Variants in EFHD1 observed in about 807,000 individuals in gnomAD.
EFHD1 encodes EF-hand domain family member D1.
EFHD1 carries 10 observed loss-of-function variants against 17.2 expected under a neutral mutation model. The ratio of observed to expected loss-of-function variants is 0.58; its 90% confidence interval spans 0.36 to 0.99. The LOEUF is 0.99. EFHD1 is among the 50% of genes least tolerant of loss of function. EFHD1 has a pLI of 0.01. For missense variants in EFHD1, 310 were observed against 327.5 expected, an observed-to-expected ratio of 0.95 and a Z score of 0.41; for synonymous variants, 153 against 142.0, an observed-to-expected ratio of 1.08 and a Z score of -0.55.
At chr2:232,612,639 A>T (rs76043095) in intron 1 of EFHD1, among the ~76,000 whole-genome samples, 10,704 of 152,152 alleles carry the variant, frequency 0.07, 398 homozygotes, top group South Asian at 0.11. Flanking sequence ...ACTTGTGAGG[A>T]TATGGAGCAA....
chr2:232,609,632 C>T (rs369577108), intron 1 of EFHD1, among the ~76,000 whole-genome samples: 10 of 152,224 alleles, frequency 6.6e-5, no homozygotes, highest in South Asian at 4.2e-4. Flanking sequence ...GAGGAAGTCT[C>T]GGCCTCCTCA....
intron 1 of EFHD1, among the ~76,000 whole-genome samples, chr2:232,634,723 C>T (rs1694285441): frequency 6.6e-6 from 1 of 152,248 alleles, no homozygotes; most frequent in Non-Finnish European, 1.5e-5. Flanking sequence ...TAGAGACCCA[C>T]TAGTCCACCT....
chr2:232,606,071 G>C, exon 1 of EFHD1: 1 of 1,450,812 alleles, frequency 6.9e-7, no homozygotes, highest in Non-Finnish European at 9.5e-7. Flanking sequence ...AGTGCAGGCG[G>C]ATACCCCGGC....
intron 1 of EFHD1, among the ~76,000 whole-genome samples, chr2:232,620,366 C>T (rs987394384): frequency 6.2e-5 from 9 of 144,954 alleles, no homozygotes; most frequent in Admixed American, 2.1e-4. Context: ...CCGGCCTGGG[C>T]GACAAAACGA....
At chr2:232,613,970 GTGAATACA>G (rs1693868138) in intron 1 of EFHD1, among the ~76,000 whole-genome samples, 1 of 146,214 alleles carries the variant, frequency 6.8e-6, no homozygotes, top group African/African-American at 2.5e-5. Context: ...ACATACACAC[GTGAATACA>G]CACACACATA....
chr2:232,615,637 A>T (rs934181310), intron 1 of EFHD1, among the ~76,000 whole-genome samples: 4 of 151,782 alleles, frequency 2.6e-5, no homozygotes, highest in African/African-American at 4.8e-5. Context: ...AACACTTTTT[A>T]AAAAATAGTG....
At chr2:232,681,495 G>T in intron 3 of EFHD1, 90 bp from the exon 4 acceptor site, 1 of 1,533,100 alleles carries the variant, frequency 6.5e-7, no homozygotes, top group Non-Finnish European at 8.8e-7. Context: ...CTCTAGGTCT[G>T]CTGAATGGGC....
At chr2:232,638,295 A>C (rs1694356445) in intron 1 of EFHD1, 1 of 468,684 alleles carries the variant, frequency 2.1e-6, no homozygotes, top group Non-Finnish European at 4.4e-6. Flanking sequence ...GCAACATCTT[A>C]AAATGCAGCC....
intron 1 of EFHD1, among the ~76,000 whole-genome samples, chr2:232,647,796 C>G (rs1175895946): frequency 1.3e-5 from 2 of 152,102 alleles, no homozygotes; most frequent in East Asian, 3.9e-4. Flanking sequence ...ACCACCACAC[C>G]CGGCTAATTT....
At chr2:232,661,138 ACT>A (rs368864430) in intron 1 of EFHD1, among the ~76,000 whole-genome samples, 60 of 142,220 alleles carry the variant, frequency 4.2e-4, no homozygotes, top group African/African-American at 1.1e-3. Flanking sequence ...AAAGAACATG[ACT>A]CTGTCTCAAA....
chr2:232,629,549 A>C (rs1176886638), upstream of EFHD1, among the ~76,000 whole-genome samples: 1 of 151,810 alleles, frequency 6.6e-6, no homozygotes, highest in African/African-American at 2.4e-5. Flanking sequence ...GCTCACTGCA[A>C]CCTCCGCCTC....
chr2:232,633,593 G>A (rs1414169258), upstream of EFHD1: 1 of 1,302,896 alleles, frequency 7.7e-7, no homozygotes, highest in Non-Finnish European at 9.7e-7. Context: ...CCGGGTCCCC[G>A]CCGCCTCGGC....
Position 232,612,032 on chromosome 2 carries a change from T to G in EFHD1, c.14+5859T>G, listed in dbSNP as rs974230787. On this transcript the variant is annotated intron_variant, in intron 1 of 3. Coordinates refer to the EFHD1 transcript ENST00000409613. Reference sequence around the variant, plus strand: ...ATGGATTATGATGTCAGAGTTTGGGTTTTTTTTAGGAGTATTGTTATGTTG... The same window carrying G: ...ATGGATTATGATGTCAGAGTTTGGGGTTTTTTTAGGAGTATTGTTATGTTG... The G allele has an allele frequency of 7.2e-5, 11 of 151,942 alleles. 1 individual carries two copies. Among genetic ancestry groups the G allele is most frequent in the Admixed American group, 2.6e-4 (4 of 15,214 alleles). 9.4% of individuals were successfully genotyped at this position (151,942 alleles called of 1,614,324 possible).
rs1192954692 is a variant in EFHD1 at position 232,617,652 on chromosome 2, C to CAAA, written c.14+11493_14+11495dup. Among the ~76,000 whole-genome samples the CAAA allele has an allele frequency of 1.7e-4, 17 of 99,236 alleles. No homozygotes were observed. The South Asian group carries it at 2.3e-3, about 13-fold the overall frequency. The allele number at this position is 99,236 out of a possible 152,430, so 65.1% of individuals were successfully genotyped here. On this transcript the variant is annotated intron_variant, in intron 1 of 3. Transcript: ENST00000409613. ...TGGGCAACAGAGCGAGACTCCGTCTCAAAAAAAAAAAAAAAAGAATGCTGC... is the reference window on the plus strand; with the variant it reads ...TGGGCAACAGAGCGAGACTCCGTCTCAAAAAAAAAAAAAAAAAAAGAATGCTGC...
rs929460925 is a variant in EFHD1 at position 232,642,407 on chromosome 2, GA to G, written c.302+8404del. 3.7e-4 allele frequency among the ~76,000 whole-genome samples: 54 copies of G among 144,088 alleles called. No homozygotes were observed. In the East Asian group the frequency reaches 4.3e-3, roughly 11 times the overall value. 94.5% of individuals were successfully genotyped at this position (144,088 alleles called of 152,430 possible). ...AAAAAAAAAAAAAAAAGACAAATGA[GA>G]AACAAAAGCTAATTAGCCTTGGGTG... On this transcript the variant is annotated intron_variant, in intron 1 of 3. Transcript: ENST00000264059.
chr2:232,617,522 T>C (rs753574401), intron 1 of EFHD1, among the ~76,000 whole-genome samples: 11 of 150,630 alleles, frequency 7.3e-5, no homozygotes, highest in Non-Finnish European at 4.4e-5. Context: ...GGCGTGGTGG[T>C]GGGCGCCTGT....
In EFHD1 at chr2:232,682,067, CT is replaced by C; in HGVS notation, c.*353del. On this transcript the variant is annotated 3_prime_UTR_variant, in exon 4 of 4. Transcript: ENST00000264059. ...TATCAATTTGTGTAGATATGTCTGT[CT>C]TTTTGGGTCCTCAGAGAAAATGCCC... 1 of 185,880 alleles carries C rather than the reference CT, an allele frequency of 5.4e-6. No individual in the cohort carries two copies. The highest frequency in any genetic ancestry group is 1.7e-4 in the South Asian group (1 of 5,992). 11.5% of individuals were successfully genotyped at this position (185,880 alleles called of 1,614,324 possible). A position where few individuals can be genotyped will look rare whatever the true frequency, so the allele number is the denominator to read the frequency against.
intron 3 of EFHD1, among the ~76,000 whole-genome samples, chr2:232,674,150 G>C (rs1695129960): frequency 6.6e-6 from 1 of 152,150 alleles, no homozygotes; most frequent in Admixed American, 6.6e-5. Flanking sequence ...CTCGTGATCT[G>C]CCTGCCTCCA....
intron 3 of EFHD1, among the ~76,000 whole-genome samples, chr2:232,677,268 C>A (rs998078887): frequency 1.6e-4 from 5 of 30,672 alleles, no homozygotes; most frequent in Non-Finnish European, 4.5e-4. Context: ...TTCTATAACA[C>A]ACACATACAC....
Sources: allele counts gnomAD v4.1 joint callset (sites outside exome capture counted in the v4.1 genomes callset), GRCh38; gene constraint gnomAD v4.1.1; transcripts MANE v1.5; gene names NCBI Gene and HGNC (gene_info 2026-07-23, HGNC 2026-07-21).